The following KANK1 variants were observed in gnomAD, a reference collection of about 807,000 sequenced individuals.
KANK1 encodes KN motif and ankyrin repeat domains 1.
Under a neutral mutation model 106.2 loss-of-function variants are expected in KANK1, and 109 were observed. The observed-to-expected ratio is 1.03, with a 90% CI of 0.88 to 1.20. KANK1 has a LOEUF of 1.20. Ranked by LOEUF, KANK1 falls within the 50% of genes most tolerant of loss-of-function variation. The pLI, the probability that KANK1 is intolerant of heterozygous loss-of-function variation, is 0.00. For missense variants in KANK1, 2,399 were observed against 1,710.7 expected (o/e 1.40, Z -7.10); for synonymous variants, 873 against 652.2 (o/e 1.34, Z -5.16).
At chr9:552,935 A>G (rs1252662219) in intron 1 of KANK1, among the ~76,000 whole-genome samples, 2 of 152,184 alleles carry the variant, frequency 1.3e-5, no homozygotes, top group East Asian at 1.9e-4. Flanking sequence ...GCTTGAGCCC[A>G]GGAGTTTGAG....
chr9:542,442 C>G (rs1005890713), intron 1 of KANK1, among the ~76,000 whole-genome samples: 1 of 152,118 alleles, frequency 6.6e-6, no homozygotes, highest in African/African-American at 2.4e-5. Flanking sequence ...ATAAAGGGAC[C>G]CTCTTAGACT....
intron 1 of KANK1, among the ~76,000 whole-genome samples, chr9:618,282 C>T (rs1191146486): frequency 6.6e-6 from 1 of 152,136 alleles, no homozygotes; most frequent in Non-Finnish European, 1.5e-5. Context: ...GATCTCAGCT[C>T]ACTGCAACCT....
At chr9:575,922 C>T (rs1444546881) in intron 1 of KANK1, among the ~76,000 whole-genome samples, 2 of 152,172 alleles carry the variant, frequency 1.3e-5, no homozygotes, top group Non-Finnish European at 2.9e-5. Context: ...ACTTGAGAGG[C>T]TGAGGCAGGA....
intron 1 of KANK1, among the ~76,000 whole-genome samples, chr9:505,785 G>A (rs180989764): frequency 1.3e-4 from 20 of 152,362 alleles, no homozygotes; most frequent in South Asian, 2.1e-4. Context: ...AGGCTAATAA[G>A]GAAGCTTAAT....
intron 1 of KANK1, among the ~76,000 whole-genome samples, chr9:536,057 G>A (rs1034225351): frequency 2.0e-5 from 3 of 152,144 alleles, no homozygotes; most frequent in East Asian, 1.9e-4. Flanking sequence ...AACAGCACGT[G>A]TGGGGCGCGG....
intron 2 of KANK1, among the ~76,000 whole-genome samples, chr9:692,328 G>C (rs553242549): frequency 3.5e-5 from 3 of 86,834 alleles, no homozygotes; most frequent in Non-Finnish European, 5.2e-5. Context: ...ATAAGACCAT[G>C]GCACTTATTT....
At chr9:721,773 CA>C (rs1389668964) in intron 3 of KANK1, among the ~76,000 whole-genome samples, 1 of 152,218 alleles carries the variant, frequency 6.6e-6, no homozygotes, top group East Asian at 1.9e-4. Context: ...ATTAATCTTA[CA>C]GTCTGCTGTT....
intron 1 of KANK1, chr9:674,489 A>G (rs1280743711): frequency 6.6e-6 from 1 of 152,140 alleles, no homozygotes; most frequent in Non-Finnish European, 1.5e-5. Flanking sequence ...CCATTTAAAC[A>G]ATGAGGGAAA....
intron 1 of KANK1, among the ~76,000 whole-genome samples, chr9:569,081 G>A (rs1178095178): frequency 2.0e-5 from 3 of 152,096 alleles, no homozygotes; most frequent in African/African-American, 7.2e-5. Flanking sequence ...GGCTGTTAGT[G>A]CAGAGGTATC....
chr9:481,174 A>G (rs2058197036), intron 3 of KANK1, among the ~76,000 whole-genome samples: 1 of 152,234 alleles, frequency 6.6e-6, no homozygotes. Context: ...GAATGATTAC[A>G]CGGTACTTGA....
At chr9:679,423 A>G (rs533146050) in intron 2 of KANK1, among the ~76,000 whole-genome samples, 2 of 149,086 alleles carry the variant, frequency 1.3e-5, no homozygotes. Context: ...GAAAAAAAAA[A>G]TTTTTTTTTG....
At chr9:647,730 G>C (rs1341581003) in intron 1 of KANK1, among the ~76,000 whole-genome samples, 2 of 150,698 alleles carry the variant, frequency 1.3e-5, no homozygotes. Context: ...TGTTAACTCA[G>C]AACAACAAAT....
At chr9:580,074 C>G (rs891444084) in intron 1 of KANK1, among the ~76,000 whole-genome samples, 1 of 152,152 alleles carries the variant, frequency 6.6e-6, no homozygotes, top group African/African-American at 2.4e-5. Context: ...AAGTTTGTTC[C>G]TTCTGATGTT....
At chr9:605,439 A>G (rs562680004) in intron 1 of KANK1, among the ~76,000 whole-genome samples, 20 of 151,860 alleles carry the variant, frequency 1.3e-4, no homozygotes, top group Admixed American at 2.0e-4. Context: ...AGCATCAGGA[A>G]GGGCTTCCTG....
chr9:723,194 C>G (rs762478135), intron 3 of KANK1, among the ~76,000 whole-genome samples: 2 of 152,066 alleles, frequency 1.3e-5, no homozygotes, highest in African/African-American at 4.8e-5. Context: ...GTAAAGTTCC[C>G]GCAGGCAAGA....
intron 3 of KANK1, chr9:477,866 AG>A (rs1176744138): frequency 1.3e-5 from 2 of 152,502 alleles, no homozygotes; most frequent in Non-Finnish European, 2.9e-5. Context: ...ATGCTGCCCA[AG>A]TTCAACCCCA....
intron 1 of KANK1, among the ~76,000 whole-genome samples, chr9:583,864 C>T (rs995036104): frequency 2.0e-5 from 3 of 151,904 alleles, no homozygotes; most frequent in African/African-American, 7.3e-5. Flanking sequence ...GCGAAGTGTT[C>T]AACCCCAAAG....
At chr9:517,466 TTTTG>T (rs1011071698) in intron 1 of KANK1, among the ~76,000 whole-genome samples, 4 of 151,832 alleles carry the variant, frequency 2.6e-5, no homozygotes, top group African/African-American at 9.7e-5. Flanking sequence ...CACTGTTTCT[TTTTG>T]TTTCTTTTTT....
rs186077364 is a variant in KANK1 at position 696,609 on chromosome 9, G to A, written c.38-14195G>A. 2.2e-4 allele frequency among the ~76,000 whole-genome samples: 34 copies of A among 152,206 alleles called. No homozygotes were observed. In the East Asian group the frequency reaches 5.0e-3, roughly 22 times the overall value. On this transcript the variant is annotated intron_variant, in intron 2 of 11. Coordinates refer to ENST00000382297, the MANE Select transcript of KANK1 (RefSeq NM_015158.5). ...GATAAGCTTGAAAATTTCTCAGTAC[G>A]TTGAGGTTTGGGGTGGGGAGGAACC...
Sources: gnomAD v4.1 joint callset for allele counts (sites outside exome capture counted in the v4.1 genomes callset) on GRCh38, gnomAD v4.1.1 for gene constraint, MANE v1.5 for transcripts, NCBI Gene and HGNC (gene_info 2026-07-23, HGNC 2026-07-21) for gene names.